The following STAU2 variants were observed in gnomAD, a reference collection of about 807,000 sequenced individuals.
The protein encoded by STAU2 is double-stranded RNA-binding protein Staufen homolog 2.
A neutral mutation model predicts 65.9 loss-of-function variants in STAU2; 20 were observed. The ratio of observed to expected loss-of-function variants is 0.30; its 90% CI spans 0.21 to 0.44. The LOEUF is 0.44. Among genes scored for constraint, STAU2 ranks in the 20% least tolerant of loss-of-function variants. The probability of loss-of-function intolerance (pLI) is 1.00; values close to 1 mark genes in which losing one functional copy is unlikely to be tolerated. For synonymous variants in STAU2, 232 were observed against 233.9 expected (o/e 0.99, Z 0.07); for missense variants, 558 against 683.9 (o/e 0.82, Z 2.05).
At chr8:73,652,199 T>A (rs1423084070) in intron 6 of STAU2, 1 of 152,136 alleles carries the variant, frequency 6.6e-6, no homozygotes, top group Non-Finnish European at 1.5e-5. Context: ...ATTATATAAA[T>A]AAAATTATCA....
chr8:73,623,507 C>T (rs1216446494), intron 6 of STAU2, among the ~76,000 whole-genome samples: 1 of 152,116 alleles, frequency 6.6e-6, no homozygotes, highest in Admixed American at 6.5e-5. Flanking sequence ...TGCTATCTTC[C>T]GATCTAATAA....
intron 1 of STAU2, among the ~76,000 whole-genome samples, chr8:73,743,688 G>T (rs117036914): frequency 6.6e-6 from 1 of 150,910 alleles, no homozygotes; most frequent in Non-Finnish European, 1.5e-5. Flanking sequence ...CGTCAGGCTG[G>T]TCTCGAACCC....
intron 13 of STAU2, among the ~76,000 whole-genome samples, chr8:73,424,712 C>G (rs1157666742): frequency 6.6e-6 from 1 of 151,434 alleles, no homozygotes; most frequent in African/African-American, 2.4e-5. Flanking sequence ...ATACTTTTTT[C>G]TTTCTTCTCT....
At chr8:73,436,523 C>G (rs1297306891) in intron 13 of STAU2, among the ~76,000 whole-genome samples, 1 of 151,624 alleles carries the variant, frequency 6.6e-6, no homozygotes, top group Non-Finnish European at 1.5e-5. Context: ...TACACTGAAG[C>G]TCCCTCATCC....
intron 13 of STAU2, among the ~76,000 whole-genome samples, chr8:73,537,064 T>TA (rs1459259086): frequency 6.6e-6 from 1 of 152,104 alleles, no homozygotes; most frequent in African/African-American, 2.4e-5. Context: ...AAACAGATTT[T>TA]AAAAAATAGT....
chr8:73,631,214 G>A (rs1020583365), intron 6 of STAU2, among the ~76,000 whole-genome samples: 2 of 151,974 alleles, frequency 1.3e-5, no homozygotes, highest in Non-Finnish European at 2.9e-5. Context: ...AATTATCTGG[G>A]CATGGTGGTA....
At chr8:73,714,845 G>A (rs968693311) in intron 3 of STAU2, among the ~76,000 whole-genome samples, 1 of 152,180 alleles carries the variant, frequency 6.6e-6, no homozygotes, top group Non-Finnish European at 1.5e-5. Context: ...ACTTTGGGAG[G>A]TCAAGGCGGG....
At chr8:73,422,520 C>G in intron 14 of STAU2, 94 bp downstream of exon 14, 1 of 938,668 alleles carries the variant, frequency 1.1e-6, no homozygotes, top group East Asian at 3.1e-5. Context: ...GATGTAGATA[C>G]TATTGTCGAC....
intron 13 of STAU2, among the ~76,000 whole-genome samples, chr8:73,472,741 C>A (rs1373656566): frequency 4.6e-5 from 7 of 151,166 alleles, no homozygotes; most frequent in Admixed American, 4.6e-4. Flanking sequence ...ATTAAAAAAA[C>A]AAAAAACATA....
At chr8:73,598,858 C>G (rs1188264487) in intron 10 of STAU2, among the ~76,000 whole-genome samples, 1 of 152,016 alleles carries the variant, frequency 6.6e-6, no homozygotes, top group African/African-American at 2.4e-5. Context: ...ACATTCCATC[C>G]ACATTCAAGT....
chr8:73,708,317 T>C (rs755663685), intron 4 of STAU2, among the ~76,000 whole-genome samples: 6 of 152,180 alleles, frequency 3.9e-5, no homozygotes, highest in Non-Finnish European at 8.8e-5. Flanking sequence ...TTTATGATCA[T>C]TATGATAATC....
At chr8:73,666,481 C>A (rs564023610) in intron 6 of STAU2, among the ~76,000 whole-genome samples, 1 of 152,244 alleles carries the variant, frequency 6.6e-6, no homozygotes, top group Non-Finnish European at 1.5e-5. Flanking sequence ...AATGAAAAAC[C>A]AAGAAGCCTT....
intron 3 of STAU2, among the ~76,000 whole-genome samples, chr8:73,720,176 G>A (rs2130701928): frequency 6.6e-6 from 1 of 151,118 alleles, no homozygotes; most frequent in South Asian, 2.1e-4. Flanking sequence ...CCAGCTAGGA[G>A]GCTGAAGTGG....
chr8:73,728,341 G>A (rs374350148), intron 3 of STAU2, among the ~76,000 whole-genome samples: 1 of 151,802 alleles, frequency 6.6e-6, no homozygotes, highest in Non-Finnish European at 1.5e-5. Context: ...TAGCTTTGCA[G>A]TAAGTTTCTT....
chr8:73,565,954 A>AT (rs1554542091), intron 12 of STAU2, among the ~76,000 whole-genome samples: 1 of 152,166 alleles, frequency 6.6e-6, no homozygotes, highest in Admixed American at 6.5e-5. Context: ...ACTGGATTTA[A>AT]TTTTTTTAGT....
chr8:73,563,148 G>C (rs896423082), intron 12 of STAU2, among the ~76,000 whole-genome samples: 1 of 152,160 alleles, frequency 6.6e-6, no homozygotes, highest in African/African-American at 2.4e-5. Flanking sequence ...ATCAAAGGCA[G>C]AGAGGGACTT....
chr8:73,653,421 T>A (rs1211586494), intron 6 of STAU2: 2 of 152,178 alleles, frequency 1.3e-5, no homozygotes, highest in African/African-American at 4.8e-5. Context: ...CAAAAAAAAG[T>A]GAACCCTCAG....
intron 6 of STAU2, among the ~76,000 whole-genome samples, chr8:73,665,428 C>T (rs1817163168): frequency 6.6e-6 from 1 of 152,142 alleles, no homozygotes; most frequent in Non-Finnish European, 1.5e-5. Flanking sequence ...ACAAATTGGG[C>T]TTTTCACCAC....
At chr8:73,717,210 A>C (rs1205133508) in intron 3 of STAU2, among the ~76,000 whole-genome samples, 1 of 152,104 alleles carries the variant, frequency 6.6e-6, no homozygotes, top group Non-Finnish European at 1.5e-5. Context: ...GAAAAAAATA[A>C]AAATTTTTTT....
Sources: gnomAD v4.1 joint callset for allele counts (sites outside exome capture counted in the v4.1 genomes callset) on GRCh38, gnomAD v4.1.1 for gene constraint, MANE v1.5 for transcripts, NCBI Gene and HGNC (gene_info 2026-07-23, HGNC 2026-07-21) for gene names.